The following DRC12 variants were observed in gnomAD, a reference collection of about 807,000 sequenced individuals.
DRC12 encodes dynein regulatory complex protein 12.
the DRC12 span, chr11:119,193,494 G>T: frequency 1.6e-6 from 2 of 1,232,870 alleles, no homozygotes; most frequent in Non-Finnish European, 2.2e-6. Context: ...CCCATGGGCT[G>T]ATTGAGATGA....
chr11:119,195,459 T>G, the DRC12 span: 1 of 1,551,506 alleles, frequency 6.4e-7, no homozygotes, highest in African/African-American at 1.4e-5. Context: ...CCCAGATTTC[T>G]TCCCTTTTTC....
chr11:119,190,510 C>T, the DRC12 span: 2 of 1,605,664 alleles, frequency 1.2e-6, no homozygotes, highest in South Asian at 1.1e-5. This position sits in a 1 kb window ranked among gnomAD's most constrained non-coding sequence, Gnocchi z 4.2. Context: ...GTGAGTGCTG[C>T]CCCAGGTTGG....
chr11:119,195,627 A>AT, the DRC12 span: 1 of 675,570 alleles, frequency 1.5e-6, no homozygotes, highest in Admixed American at 2.7e-5. Flanking sequence ...GTCAGTTCAC[A>AT]GTCTCTTTGG....
At chr11:119,194,297 A>C in the DRC12 span, among the ~76,000 whole-genome samples, 1 of 151,840 alleles carries the variant, frequency 6.6e-6, no homozygotes, top group African/African-American at 2.4e-5. Context: ...GGTGGGACAC[A>C]AGGTCAAGAG....
At chr11:119,191,807 CAAAACAA>C in the DRC12 span, among the ~76,000 whole-genome samples, 22 of 151,136 alleles carry the variant, frequency 1.5e-4, no homozygotes, top group Admixed American at 6.6e-5. Context: ...AACTCCGTCT[CAAAACAA>C]AAAACAAAAA....
chr11:119,193,721 C>T, the DRC12 span: 20 of 1,547,206 alleles, frequency 1.3e-5, no homozygotes, highest in Non-Finnish European at 1.7e-5. Flanking sequence ...GGTTGTCCTC[C>T]TCCAAGCCCC....
At chr11:119,193,909 G>C in the DRC12 span, 3 of 1,549,474 alleles carry the variant, frequency 1.9e-6, no homozygotes, top group South Asian at 3.6e-5. Flanking sequence ...CAGAGCCGCC[G>C]TCAGGACTGG....
chr11:119,195,284 G>T, the DRC12 span: 1 of 765,390 alleles, frequency 1.3e-6, no homozygotes, highest in Non-Finnish European at 2.1e-6. Flanking sequence ...CCTGGATCTG[G>T]CTGTGAGGAC....
chr11:119,195,461 C>T, the DRC12 span: 7 of 1,551,478 alleles, frequency 4.5e-6, 1 homozygote, highest in South Asian at 5.9e-5. Flanking sequence ...CAGATTTCTT[C>T]CCTTTTTCTT....
the DRC12 span, among the ~76,000 whole-genome samples, chr11:119,191,402 T>C: frequency 6.6e-6 from 1 of 151,970 alleles, no homozygotes; most frequent in South Asian, 2.1e-4. Context: ...CTGGCTGGTG[T>C]CTTCATCTGT....
chr11:119,194,099 G>C, the DRC12 span, among the ~76,000 whole-genome samples: 53 of 152,058 alleles, frequency 3.5e-4, no homozygotes, highest in African/African-American at 1.2e-3. Flanking sequence ...TGTTCTTTTC[G>C]GATAGCCTGG....
the DRC12 span, chr11:119,193,550 A>G: frequency 7.1e-7 from 1 of 1,415,662 alleles, no homozygotes; most frequent in African/African-American, 1.4e-5. Flanking sequence ...AGCACATGGC[A>G]CCAGGCATCC....
the DRC12 span, chr11:119,195,378 G>T: frequency 6.6e-7 from 1 of 1,511,200 alleles, no homozygotes; most frequent in Non-Finnish European, 9.0e-7. Context: ...GGTCTTCATG[G>T]CAGAACATGG....
the DRC12 span, chr11:119,190,699 G>C: frequency 5.6e-6 from 9 of 1,611,530 alleles, no homozygotes; most frequent in African/African-American, 1.3e-5. The surrounding 1 kb of genome is among the most constrained non-coding windows in gnomAD (Gnocchi z 4.2). Flanking sequence ...GATCCAGGGG[G>C]TGGTGCTTAC....
chr11:119,193,608 C>T, the DRC12 span: 1 of 1,442,514 alleles, frequency 6.9e-7, no homozygotes, highest in Non-Finnish European at 9.1e-7. Context: ...CCTTTGGTTC[C>T]TGCAGGATCC....
At chr11:119,195,214 A>C in the DRC12 span, 1 of 631,732 alleles carries the variant, frequency 1.6e-6, no homozygotes. Flanking sequence ...TTAGGAAGGC[A>C]CAGAGCTAGA....
chr11:119,192,982 C>T, the DRC12 span, among the ~76,000 whole-genome samples: 1 of 152,104 alleles, frequency 6.6e-6, no homozygotes, highest in African/African-American at 2.4e-5. Flanking sequence ...TTTGGTATCC[C>T]GAACCCTCTG....
chr11:119,191,624 TA>T, the DRC12 span, among the ~76,000 whole-genome samples: 540 of 151,334 alleles, frequency 3.6e-3, 5 homozygotes, highest in East Asian at 0.013. Context: ...CCGGCCAACA[TA>T]GGTGAATCTC....
chr11:119,190,710 G>A, the DRC12 span: 66 of 1,613,362 alleles, frequency 4.1e-5, no homozygotes, highest in African/African-American at 1.1e-4. The surrounding 1 kb of genome is among the most constrained non-coding windows in gnomAD (Gnocchi z 4.2). Flanking sequence ...TGGTGCTTAC[G>A]TGTAAGATTT....
Sources: gnomAD v4.1 joint callset for allele counts (sites outside exome capture counted in the v4.1 genomes callset) on GRCh38, gnomAD v4.1.1 for gene constraint, Gnocchi (gnomAD v3.1) non-coding constraint, MANE v1.5 for transcripts, NCBI Gene and HGNC (gene_info 2026-07-23, HGNC 2026-07-21) for gene names.